ADAM12: variants seen among roughly 807,000 people sequenced by gnomAD.
ADAM12 encodes disintegrin and metalloproteinase domain-containing protein 12.
A neutral mutation model predicts 106.4 loss-of-function variants in ADAM12; 70 were observed. That is an observed-to-expected ratio of 0.66 (90% CI 0.54 to 0.80). The LOEUF (loss-of-function observed/expected upper bound fraction) is 0.80. Among genes scored for constraint, ADAM12 ranks in the 30% least tolerant of loss-of-function variants. ADAM12 has a pLI of 0.00. For missense variants in ADAM12, 1,010 were observed against 1,171.9 expected (o/e 0.86, Z 2.02); for synonymous variants, 420 against 433.5 (o/e 0.97, Z 0.39).
At chr10:126,019,588 G>T in intron 22 of ADAM12, 107 bp downstream of exon 22, 1 of 1,413,240 alleles carries the variant, frequency 7.1e-7, no homozygotes, top group East Asian at 2.4e-5. Flanking sequence ...AGGGGGAGCA[G>T]GAAGCACGGC....
At chr10:126,135,802 G>C in intron 4 of ADAM12, 142 bp from the exon 5 acceptor site, 1 of 743,924 alleles carries the variant, frequency 1.3e-6, no homozygotes, top group South Asian at 1.9e-5. Context: ...TTAATGCAAA[G>C]CCCAACATGA....
chr10:126,121,170 TATACTATATAC>T lies in ADAM12; in HGVS notation c.417-2957_417-2947del, dbSNP rs1438658598. ...TACTATATATACTATATATACTATA[TATACTATATAC>T]ACTATATACTATATATATACTATAT... On this transcript the variant is annotated intron_variant, in intron 5 of 22. Transcript: ENST00000448723. 9.8e-3 allele frequency among the ~76,000 whole-genome samples: 1,009 copies of T among 103,436 alleles called. 31 individuals are homozygous for T. The highest frequency in any genetic ancestry group is 0.038 in the African/African-American group (941 of 24,460). The allele number at this position is 103,436 out of a possible 152,430, so 67.9% of individuals were successfully genotyped here. A position where few individuals can be genotyped will look rare whatever the true frequency, so the allele number is the denominator to read the frequency against.
chr10:126,146,191 A>C (rs1029148462), intron 4 of ADAM12, among the ~76,000 whole-genome samples: 1 of 152,130 alleles, frequency 6.6e-6, no homozygotes. Flanking sequence ...TGGAGGTAGG[A>C]GTCACCACGG....
intron 2 of ADAM12, among the ~76,000 whole-genome samples, chr10:126,319,201 T>A (rs1006693266): frequency 2.0e-5 from 3 of 152,120 alleles, no homozygotes; most frequent in Admixed American, 6.5e-5. Context: ...AAATAATGGA[T>A]GCAGCTACCT....
At chr10:126,260,710 A>C (rs891275229) in intron 3 of ADAM12, among the ~76,000 whole-genome samples, 6 of 152,316 alleles carry the variant, frequency 3.9e-5, no homozygotes, top group African/African-American at 7.2e-5. Flanking sequence ...ACTGAAAACC[A>C]GAGACCATCA....
chr10:126,060,780 C>CT, intron 14 of ADAM12, among the ~76,000 whole-genome samples: 2 of 152,192 alleles, frequency 1.3e-5, no homozygotes, highest in African/African-American at 4.8e-5. Context: ...GATTCACATC[C>CT]GCCCTCCCCT....
At chr10:126,175,438 G>A (rs1272500474) in intron 3 of ADAM12, among the ~76,000 whole-genome samples, 2 of 151,620 alleles carry the variant, frequency 1.3e-5, no homozygotes, top group East Asian at 1.9e-4. Context: ...ACACCAAGAC[G>A]AGACTTCTAC....
At chr10:126,175,355 A>G (rs1388910971) in intron 3 of ADAM12, among the ~76,000 whole-genome samples, 1 of 152,212 alleles carries the variant, frequency 6.6e-6, no homozygotes, top group Non-Finnish European at 1.5e-5. Flanking sequence ...ACCTTACAAA[A>G]TATTATTATT....
At chr10:126,338,630 A>G (rs1173661288) in intron 1 of ADAM12, among the ~76,000 whole-genome samples, 2 of 152,262 alleles carry the variant, frequency 1.3e-5, no homozygotes, top group African/African-American at 4.8e-5. Flanking sequence ...TAAACTATAG[A>G]GTTGTATAGG....
chr10:126,380,048 T>G (rs933455631), intron 1 of ADAM12, among the ~76,000 whole-genome samples: 5 of 152,172 alleles, frequency 3.3e-5, no homozygotes, highest in South Asian at 2.1e-4. Context: ...ATTTTTTAAA[T>G]AGTTGCCAAG....
At chr10:126,101,966 C>G (rs544969692) in intron 8 of ADAM12, among the ~76,000 whole-genome samples, 6 of 152,250 alleles carry the variant, frequency 3.9e-5, no homozygotes, top group Admixed American at 2.0e-4. Flanking sequence ...CCACTGAAAG[C>G]AAGACTTCTC....
At chr10:126,365,019 C>T (rs1485375845) in intron 1 of ADAM12, among the ~76,000 whole-genome samples, 2 of 152,152 alleles carry the variant, frequency 1.3e-5, no homozygotes, top group Admixed American at 6.5e-5. Context: ...CTGGATGTGT[C>T]TACAGCACAC....
intron 1 of ADAM12, among the ~76,000 whole-genome samples, chr10:126,356,280 G>A (rs1855536239): frequency 6.6e-6 from 1 of 152,188 alleles, no homozygotes; most frequent in African/African-American, 2.4e-5. Flanking sequence ...AGCCCAATCA[G>A]AGGAAATTGC....
chr10:126,253,977 T>C (rs773415107), intron 3 of ADAM12, among the ~76,000 whole-genome samples: 2 of 152,198 alleles, frequency 1.3e-5, no homozygotes, highest in Non-Finnish European at 2.9e-5. Flanking sequence ...GGGCGCTATG[T>C]CTCTGCCGGC....
At chr10:126,109,751 T>C (rs1231611301) in intron 7 of ADAM12, 24 bp downstream of exon 7, 2 of 1,603,596 alleles carry the variant, frequency 1.2e-6, no homozygotes, top group East Asian at 4.5e-5. Flanking sequence ...CCAACCATAC[T>C]GAGAAATTTT....
intron 1 of ADAM12, among the ~76,000 whole-genome samples, chr10:126,380,204 A>G (rs886487723): frequency 2.0e-5 from 3 of 152,216 alleles, no homozygotes; most frequent in Non-Finnish European, 4.4e-5. Flanking sequence ...CACAAAAGAA[A>G]CAGGGTGAAA....
intron 11 of ADAM12, among the ~76,000 whole-genome samples, chr10:126,085,387 A>AT (rs1400869951): frequency 6.6e-6 from 1 of 152,200 alleles, no homozygotes; most frequent in Non-Finnish European, 1.5e-5. Context: ...CTCCCCAGAG[A>AT]TTTTGCCATT....
intron 3 of ADAM12, among the ~76,000 whole-genome samples, chr10:126,158,232 T>G (rs905087773): frequency 7.9e-6 from 1 of 126,892 alleles, no homozygotes; most frequent in African/African-American, 2.8e-5. Flanking sequence ...GAGCACGGGG[T>G]AATGCACACA....
Position 126,066,845 on chromosome 10 carries a change from G to A in ADAM12, c.1324-39C>T, listed in dbSNP as rs935270327. 6.3e-7 allele frequency: 1 copy of A among 1,579,970 alleles called. No homozygotes were observed. The highest frequency in any genetic ancestry group is 1.7e-5 in the Admixed American group (1 of 59,744). On this transcript the variant is annotated intron_variant, in intron 12 of 22. Coordinates refer to ENST00000448723, the MANE Select transcript of ADAM12 (RefSeq NM_001288973.2). This position sits in a 1 kb window ranked among gnomAD's most constrained non-coding sequence, Gnocchi z 5.1. ...TGGCATTTGTTTGACAGGGTCTTAT[G>A]GAGTATGCACTCACTGAATGCAAAC...
Sources: allele counts gnomAD v4.1 joint callset (sites outside exome capture counted in the v4.1 genomes callset), GRCh38; gene constraint gnomAD v4.1.1; non-coding constraint Gnocchi (gnomAD v3.1); transcripts MANE v1.5; gene names NCBI Gene and HGNC (gene_info 2026-07-23, HGNC 2026-07-21).